TMEM17: variants seen among roughly 807,000 people sequenced by gnomAD.
The protein encoded by TMEM17 is transmembrane protein 17.
TMEM17 carries 15 observed loss-of-function variants against 19.1 expected under a neutral mutation model. The observed-to-expected ratio is 0.78, with a 90% CI of 0.52 to 1.21. TMEM17 has a LOEUF of 1.21. Among genes scored for constraint, TMEM17 ranks in the 50% most tolerant of loss-of-function variants. The probability of loss-of-function intolerance (pLI) is 0.00; values close to 1 mark genes in which losing one functional copy is unlikely to be tolerated. For synonymous variants in TMEM17, 103 were observed against 86.9 expected (o/e 1.19, Z -1.03); for missense variants, 245 against 242.3 (o/e 1.01, Z -0.07).
At chr2:62,465,425 T>A in the TMEM17 span, among the ~76,000 whole-genome samples, 1 of 152,232 alleles carries the variant, frequency 6.6e-6, no homozygotes, top group Non-Finnish European at 1.5e-5. Flanking sequence ...AACTCTGTAC[T>A]ATTTTTCCAA....
chr2:62,493,436 G>T, the TMEM17 span, among the ~76,000 whole-genome samples: 7 of 152,170 alleles, frequency 4.6e-5, no homozygotes, highest in Non-Finnish European at 8.8e-5. Flanking sequence ...AAGTTGAGGA[G>T]ACATTACTAC....
the TMEM17 span, among the ~76,000 whole-genome samples, chr2:62,493,484 A>G: frequency 6.6e-6 from 1 of 152,180 alleles, no homozygotes; most frequent in Non-Finnish European, 1.5e-5. Flanking sequence ...ATCCTACTTG[A>G]TCTGGGCATT....
At chr2:62,475,229 C>T in the TMEM17 span, among the ~76,000 whole-genome samples, 472 of 152,302 alleles carry the variant, frequency 3.1e-3, 4 homozygotes, top group African/African-American at 0.011. Context: ...AGGACAGACC[C>T]GGCAGGTCCT....
chr2:62,495,148 G>C, the TMEM17 span, among the ~76,000 whole-genome samples: 11 of 152,182 alleles, frequency 7.2e-5, no homozygotes, highest in Non-Finnish European at 1.5e-4. Context: ...AGAATGTTCA[G>C]CTGTGGAATA....
chr2:62,490,430 A>G, the TMEM17 span, among the ~76,000 whole-genome samples: 1 of 152,030 alleles, frequency 6.6e-6, no homozygotes, highest in Admixed American at 6.6e-5. Context: ...TGACTGGTTA[A>G]TATTTTTATT....
chr2:62,476,942 G>A, the TMEM17 span, among the ~76,000 whole-genome samples: 2 of 152,148 alleles, frequency 1.3e-5, no homozygotes, highest in African/African-American at 4.8e-5. Context: ...TTGAGCCCCA[G>A]ATAAGGGATG....
chr2:62,498,728 A>C (rs1016829431), downstream of TMEM17, among the ~76,000 whole-genome samples: 1 of 143,796 alleles, frequency 7.0e-6, no homozygotes, highest in Non-Finnish European at 1.5e-5. Flanking sequence ...AAATAAAATA[A>C]AATAAAATAA....
At chr2:62,473,872 G>C in the TMEM17 span, among the ~76,000 whole-genome samples, 3 of 152,238 alleles carry the variant, frequency 2.0e-5, no homozygotes, top group African/African-American at 7.2e-5. Context: ...AAAGGAGGAA[G>C]TAGGTCTTCT....
chr2:62,486,542 T>C, the TMEM17 span, among the ~76,000 whole-genome samples: 3 of 152,220 alleles, frequency 2.0e-5, no homozygotes, highest in Non-Finnish European at 2.9e-5. Flanking sequence ...ATCTGGAACC[T>C]GACTCACAGA....
At chr2:62,492,234 C>T in the TMEM17 span, among the ~76,000 whole-genome samples, 1 of 152,184 alleles carries the variant, frequency 6.6e-6, no homozygotes, top group Non-Finnish European at 1.5e-5. Context: ...GGTCTAAATT[C>T]TGTCTTCTGT....
At chr2:62,480,942 T>A in the TMEM17 span, among the ~76,000 whole-genome samples, 1 of 152,202 alleles carries the variant, frequency 6.6e-6, no homozygotes, top group Non-Finnish European at 1.5e-5. Flanking sequence ...TTTTTTCCAT[T>A]TCTGTGGAGT....
chr2:62,467,863 A>C, the TMEM17 span, among the ~76,000 whole-genome samples: 1 of 148,556 alleles, frequency 6.7e-6, no homozygotes, highest in African/African-American at 2.5e-5. Flanking sequence ...CTGCAGGAGC[A>C]TGTGGGCATG....
At chr2:62,483,251 A>G in the TMEM17 span, among the ~76,000 whole-genome samples, 6 of 152,222 alleles carry the variant, frequency 3.9e-5, no homozygotes. Flanking sequence ...TTCTCAATAA[A>G]GATGGAAAAA....
At chr2:62,457,354 G>T in the TMEM17 span, among the ~76,000 whole-genome samples, 2 of 152,218 alleles carry the variant, frequency 1.3e-5, no homozygotes, top group South Asian at 4.1e-4. This position sits in a 1 kb window ranked among gnomAD's most constrained non-coding sequence, Gnocchi z 4.2. Context: ...GGGCTGGGAG[G>T]CTGGCCGGGT....
the TMEM17 span, among the ~76,000 whole-genome samples, chr2:62,478,485 T>C: frequency 4.6e-5 from 7 of 152,218 alleles, no homozygotes; most frequent in Admixed American, 6.5e-5. Context: ...GAAATTCCCA[T>C]CCTGCACACG....
chr2:62,487,669 AT>A, the TMEM17 span, among the ~76,000 whole-genome samples: 2 of 152,254 alleles, frequency 1.3e-5, no homozygotes, highest in Non-Finnish European at 2.9e-5. Flanking sequence ...AAATAAAAAA[AT>A]AAAACTTGCA....
chr2:62,483,285 G>A, the TMEM17 span, among the ~76,000 whole-genome samples: 2 of 152,138 alleles, frequency 1.3e-5, no homozygotes, highest in Non-Finnish European at 2.9e-5. Context: ...AAGTTTGAGG[G>A]GAGCTTTTCT....
At chr2:62,470,926 C>T in the TMEM17 span, among the ~76,000 whole-genome samples, 2 of 152,306 alleles carry the variant, frequency 1.3e-5, no homozygotes, top group African/African-American at 2.4e-5. Context: ...GCCTTTGGAG[C>T]AAGCAAAGCC....
the TMEM17 span, among the ~76,000 whole-genome samples, chr2:62,490,218 A>G: frequency 6.6e-6 from 1 of 152,134 alleles, no homozygotes; most frequent in Non-Finnish European, 1.5e-5. Context: ...TTATTTCTGT[A>G]GGACCAAAAA....
Sources: allele counts gnomAD v4.1 joint callset (sites outside exome capture counted in the v4.1 genomes callset), GRCh38; gene constraint gnomAD v4.1.1; non-coding constraint Gnocchi (gnomAD v3.1); transcripts MANE v1.5; gene names NCBI Gene and HGNC (gene_info 2026-07-23, HGNC 2026-07-21).